The following ARHGAP29 variants were observed in gnomAD, a reference collection of about 807,000 sequenced individuals.
ARHGAP29 encodes Rho GTPase activating protein 29.
In ARHGAP29, 43 loss-of-function variants were observed where a neutral mutation model predicts 122.6. The observed-to-expected ratio is 0.35, with a 90% CI of 0.27 to 0.45. The LOEUF (loss-of-function observed/expected upper bound fraction) is 0.45. ARHGAP29 is among the 20% of genes least tolerant of loss of function. ARHGAP29 has a pLI of 1.00. For synonymous variants in ARHGAP29, 506 were observed against 497.1 expected, an observed-to-expected ratio of 1.02 and a Z score of -0.24; for missense variants, 1,303 against 1,477.2, an observed-to-expected ratio of 0.88 and a Z score of 1.93.
At chr1:94,270,577 C>T (rs973722178) in intron 1 of ARHGAP29, among the ~76,000 whole-genome samples, 1 of 152,214 alleles carries the variant, frequency 6.6e-6, no homozygotes, top group Non-Finnish European at 1.5e-5. Context: ...AAGTAAATTT[C>T]ATGAGCAGGT....
At chr1:94,303,531 T>C in the ARHGAP29 span, among the ~76,000 whole-genome samples, 3 of 152,198 alleles carry the variant, frequency 2.0e-5, no homozygotes, top group Non-Finnish European at 4.4e-5. Flanking sequence ...TAAAACCCCC[T>C]GAACTATACA....
upstream of ARHGAP29, among the ~76,000 whole-genome samples, chr1:94,275,278 A>G (rs1033658386): frequency 9.2e-5 from 14 of 152,214 alleles, no homozygotes; most frequent in African/African-American, 3.1e-4. Context: ...ATTTATTGCC[A>G]TGGCTACATT....
the ARHGAP29 span, among the ~76,000 whole-genome samples, chr1:94,296,561 CA>C: frequency 1.3e-5 from 2 of 152,152 alleles, no homozygotes; most frequent in Non-Finnish European, 1.5e-5. Flanking sequence ...TCCCCTCAAT[CA>C]GGGGGGACTA....
In ARHGAP29 at chr1:94,177,739, T is replaced by G; in HGVS notation, c.2797-19A>C. Reference sequence around the variant, plus strand: ...GGATATCCTGTTGATGCAAGATAATTTTTAAAATGGAAGAAGTAAAACATA... The same window carrying G: ...GGATATCCTGTTGATGCAAGATAATGTTTAAAATGGAAGAAGTAAAACATA... On this transcript the variant is annotated intron_variant, in intron 21 of 22. Coordinates refer to ENST00000260526, the MANE Select transcript of ARHGAP29 (RefSeq NM_004815.4). 6.3e-7 allele frequency: 1 copy of G among 1,595,332 alleles called. No homozygotes were observed.
chr1:94,200,664 A>G (rs1453856006), intron 12 of ARHGAP29, among the ~76,000 whole-genome samples: 2 of 152,230 alleles, frequency 1.3e-5, no homozygotes, highest in Non-Finnish European at 2.9e-5. Flanking sequence ...GTGAATGGAT[A>G]AACACTGTAG....
intron 19 of ARHGAP29, among the ~76,000 whole-genome samples, chr1:94,180,371 TGAGA>T (rs1649376995): frequency 6.6e-6 from 1 of 152,196 alleles, no homozygotes; most frequent in African/African-American, 2.4e-5. Context: ...TTTCTTGATA[TGAGA>T]GAAACAGCAA....
chr1:94,219,927 G>T, intron 3 of ARHGAP29, among the ~76,000 whole-genome samples: 1 of 151,996 alleles, frequency 6.6e-6, no homozygotes, highest in East Asian at 1.9e-4. Flanking sequence ...ATTTCAATTT[G>T]TCCTCACCTA....
In ARHGAP29 at chr1:94,261,420, T is replaced by C. The variant is rs370608628; in HGVS notation, c.-33+13592A>G. Among the ~76,000 whole-genome samples, 5 of 152,306 alleles carry C rather than the reference T, an allele frequency of 3.3e-5. No homozygotes were observed. In the East Asian group the frequency reaches 7.7e-4, roughly 24 times the overall value. Reference sequence around the variant, plus strand: ...GTTATGCGTGCAGGTCAAGTGTAGCTACATCTCAACAAAATTAAGACGATT... The same window carrying C: ...GTTATGCGTGCAGGTCAAGTGTAGCCACATCTCAACAAAATTAAGACGATT... On this transcript the variant is annotated intron_variant and NMD_transcript_variant, in intron 1 of 25. Coordinates refer to the ARHGAP29 transcript ENST00000552844.
chr1:94,268,082 T>C (rs1312570764), intron 1 of ARHGAP29, among the ~76,000 whole-genome samples: 1 of 152,220 alleles, frequency 6.6e-6, no homozygotes, highest in Non-Finnish European at 1.5e-5. Flanking sequence ...GTAAATTTCA[T>C]TATAGTTCTG....
chr1:94,302,744 C>A, the ARHGAP29 span: 2 of 369,868 alleles, frequency 5.4e-6, no homozygotes, highest in South Asian at 4.3e-5. Flanking sequence ...ATGTGTCAGT[C>A]ATGGACCTGA....
At chr1:94,241,699 T>C (rs1653587056), upstream of ARHGAP29, among the ~76,000 whole-genome samples, 1 of 51,214 alleles carries the variant, frequency 2.0e-5, no homozygotes, top group Non-Finnish European at 3.9e-5. Context: ...ATATATGTAA[T>C]TATATATGAT....
At chr1:94,217,065 A>T (rs1296330162) in intron 3 of ARHGAP29, among the ~76,000 whole-genome samples, 1 of 152,222 alleles carries the variant, frequency 6.6e-6, no homozygotes. Flanking sequence ...GGCACCCTTC[A>T]TGCATTCAAA....
chr1:94,249,943 T>A (rs992598937), intron 1 of ARHGAP29, among the ~76,000 whole-genome samples: 1 of 152,078 alleles, frequency 6.6e-6, no homozygotes, highest in Non-Finnish European at 1.5e-5. Context: ...CTAAGAATTT[T>A]CTGGAGGGAT....
the ARHGAP29 span, among the ~76,000 whole-genome samples, chr1:94,305,015 G>A: frequency 2.0e-5 from 3 of 152,234 alleles, no homozygotes. Flanking sequence ...AGATGAGGCA[G>A]TGGTTATTTT....
At position 94,216,409 on chromosome 1, in the gene ARHGAP29, AAG is replaced by A. The variant is rs532690464; in HGVS notation, c.340+3847_340+3848del. Reference sequence around the variant, plus strand: ...CATCTGTGCAAAAAGGAGGTTAAAAAAGAGAACACATCCGTGTATTTGCTTGT... The same window carrying A: ...CATCTGTGCAAAAAGGAGGTTAAAAAAGAACACATCCGTGTATTTGCTTGT... On this transcript the variant is annotated intron_variant, in intron 3 of 22. Coordinates refer to ENST00000260526, the MANE Select transcript of ARHGAP29 (RefSeq NM_004815.4). 2.0e-5 allele frequency among the ~76,000 whole-genome samples: 3 copies of A among 152,350 alleles called. No individual in the cohort carries two copies. The South Asian group carries it at 6.2e-4, about 32-fold the overall frequency.
chr1:94,236,929 G>T (rs1486004496), intron 1 of ARHGAP29, among the ~76,000 whole-genome samples: 1 of 152,184 alleles, frequency 6.6e-6, no homozygotes, highest in East Asian at 1.9e-4. Flanking sequence ...CAGGAGCACG[G>T]ATTCCGGAGC....
chr1:94,251,446 C>A (rs560439247), intron 1 of ARHGAP29, among the ~76,000 whole-genome samples: 1 of 152,184 alleles, frequency 6.6e-6, no homozygotes, highest in South Asian at 2.1e-4. Context: ...GCCTATCATA[C>A]CCATTTTATA....
chr1:94,224,530 T>A (rs1652506037), intron 2 of ARHGAP29, among the ~76,000 whole-genome samples: 1 of 152,202 alleles, frequency 6.6e-6, no homozygotes, highest in Admixed American at 6.5e-5. Context: ...TCAAGGAAAT[T>A]AAACATGCAG....
the ARHGAP29 span, among the ~76,000 whole-genome samples, chr1:94,314,090 G>A: frequency 2.3e-4 from 35 of 152,270 alleles, no homozygotes; most frequent in African/African-American, 5.3e-4. Context: ...AAACCTGCAC[G>A]TTGTGCACAT....
Sources: gnomAD v4.1 joint callset for allele counts (sites outside exome capture counted in the v4.1 genomes callset) on GRCh38, gnomAD v4.1.1 for gene constraint, MANE v1.5 for transcripts, NCBI Gene and HGNC (gene_info 2026-07-23, HGNC 2026-07-21) for gene names.